C10orf67: variants seen among roughly 807,000 people sequenced by gnomAD.
C10orf67 encodes chromosome 10 open reading frame 67, also known as uncharacterized protein C10orf67, mitochondrial.
A neutral mutation model predicts 35.6 loss-of-function variants in C10orf67; 60 were observed. The ratio of observed to expected loss-of-function variants is 1.68; its 90% CI spans 1.37 to 2.09. The LOEUF (loss-of-function observed/expected upper bound fraction) is 2.09. Ranked by LOEUF, C10orf67 falls within the 30% of genes most tolerant of loss-of-function variation. The probability of loss-of-function intolerance (pLI) is 0.00; values close to 1 mark genes in which losing one functional copy is unlikely to be tolerated. For synonymous variants in C10orf67, 167 were observed against 115.8 expected (o/e 1.44, Z -2.84); for missense variants, 474 against 330.2 (o/e 1.44, Z -3.38).
At chr10:23,225,950 A>T (rs1022506263) in intron 13 of C10orf67, among the ~76,000 whole-genome samples, 1 of 152,164 alleles carries the variant, frequency 6.6e-6, no homozygotes, top group African/African-American at 2.4e-5. Context: ...TGTCAACAAG[A>T]GACCTACAAA....
At chr10:23,239,218 C>A (rs1842117799) in intron 13 of C10orf67, among the ~76,000 whole-genome samples, 1 of 152,066 alleles carries the variant, frequency 6.6e-6, no homozygotes, top group Non-Finnish European at 1.5e-5. Flanking sequence ...ACATTTAGAA[C>A]CCCCAGATGA....
chr10:23,320,851 G>A lies in C10orf67; in HGVS notation c.472-36C>T, dbSNP rs1364815545. 2.1e-6 allele frequency: 3 copies of A among 1,431,198 alleles called. No individual in the cohort carries two copies. In the African/African-American group the frequency reaches 4.2e-5, roughly 20 times the overall value. 88.7% of individuals were successfully genotyped at this position (1,431,198 alleles called of 1,614,324 possible). On this transcript the variant is annotated intron_variant, in intron 3 of 15. Coordinates refer to ENST00000636213, the MANE Select transcript of C10orf67 (RefSeq NM_001371909.1). ...AAATAAATGCAATAAGCACCATAATGTATTTCCAAATATGACCCACACCTA... is the reference window on the plus strand; with the variant it reads ...AAATAAATGCAATAAGCACCATAATATATTTCCAAATATGACCCACACCTA...
chr10:23,306,748 C>T (rs1459057194), intron 4 of C10orf67, among the ~76,000 whole-genome samples: 1 of 152,068 alleles, frequency 6.6e-6, no homozygotes, highest in Non-Finnish European at 1.5e-5. Context: ...CCGCCCCCCA[C>T]CCCACACACA....
At chr10:23,305,932 C>T (rs77192694) in intron 4 of C10orf67, among the ~76,000 whole-genome samples, 5,420 of 152,018 alleles carry the variant, frequency 0.036, 314 homozygotes, top group African/African-American at 0.12. Context: ...CCTAAATATC[C>T]ATCAACAGAT....
chr10:23,310,886 G>T (rs1844470237), intron 4 of C10orf67, among the ~76,000 whole-genome samples: 1 of 152,212 alleles, frequency 6.6e-6, no homozygotes, highest in Non-Finnish European at 1.5e-5. Flanking sequence ...ATTTCCTGGA[G>T]ATGGATGATG....
downstream of C10orf67, chr10:23,202,284 A>G (rs530658917): frequency 2.0e-5 from 3 of 152,368 alleles, no homozygotes; most frequent in East Asian, 1.9e-4. Flanking sequence ...GTCAAAGAAA[A>G]AAGGAAAAGC....
intron 1 of C10orf67, among the ~76,000 whole-genome samples, chr10:23,334,195 T>A (rs1164863047): frequency 6.6e-6 from 1 of 152,214 alleles, no homozygotes; most frequent in Non-Finnish European, 1.5e-5. Context: ...TTCTTTAAGA[T>A]GATCATACCA....
intron 5 of C10orf67, among the ~76,000 whole-genome samples, chr10:23,295,450 C>T (rs1843854533): frequency 6.6e-6 from 1 of 152,206 alleles, no homozygotes; most frequent in South Asian, 2.1e-4. Flanking sequence ...CTGTTTGGTA[C>T]ATTTTATGGA....
Position 23,204,090 on chromosome 10 carries a change from CT to C in C10orf67, c.*82del. On this transcript the variant is annotated 3_prime_UTR_variant, in exon 16 of 16. Transcript: ENST00000636213. ...TTAGAAAATCCTTGGAGATAGTATC[CT>C]TTCCGAGGGAGGCACCTTACACCAG... is the stretch of plus-strand genomic sequence containing the variant. 3 of 453,680 alleles carry C rather than the reference CT, an allele frequency of 6.6e-6. No homozygotes were observed. The highest frequency in any genetic ancestry group is 7.0e-5 in the East Asian group (2 of 28,608). 28.1% of individuals were successfully genotyped at this position (453,680 alleles called of 1,614,324 possible).
chr10:23,225,533 T>C (rs1017061158), intron 13 of C10orf67, among the ~76,000 whole-genome samples: 1 of 152,120 alleles, frequency 6.6e-6, no homozygotes, highest in Non-Finnish European at 1.5e-5. Context: ...TAACCATAAA[T>C]GTAAATGGGC....
rs191223327 is a variant in C10orf67 at position 23,203,896 on chromosome 10, C to G, written c.*277G>C. 3.4e-6 allele frequency: 1 copy of G among 291,652 alleles called. No individual in the cohort carries two copies. The highest frequency in any genetic ancestry group is 5.8e-5 in the East Asian group (1 of 17,338). The allele number at this position is 291,652 out of a possible 1,614,324, so 18.1% of individuals were successfully genotyped here. ...CCTGGGCTCTTCTGAGTCCCCGGAG[C>G]TCCTGAATGGATGTGGTTGCCCCGG... On this transcript the variant is annotated 3_prime_UTR_variant, in exon 16 of 16. Coordinates refer to ENST00000636213, the MANE Select transcript of C10orf67 (RefSeq NM_001371909.1).
At chr10:23,340,289 G>A (rs528701146) in intron 1 of C10orf67, among the ~76,000 whole-genome samples, 1 of 149,006 alleles carries the variant, frequency 6.7e-6, no homozygotes, top group South Asian at 2.1e-4. Flanking sequence ...CAGACTGCTT[G>A]AGCTTAGGAG....
At chr10:23,339,455 G>C (rs1588715757) in intron 1 of C10orf67, among the ~76,000 whole-genome samples, 1 of 150,176 alleles carries the variant, frequency 6.7e-6, no homozygotes, top group Admixed American at 6.6e-5. Flanking sequence ...GGACTTCCAG[G>C]AACGAACATT....
intron 15 of C10orf67, among the ~76,000 whole-genome samples, chr10:23,209,466 A>C (rs2131707549): frequency 6.6e-6 from 1 of 152,296 alleles, no homozygotes; most frequent in East Asian, 1.9e-4. Flanking sequence ...TCTAATGTAC[A>C]GCAGAGTAAC....
chr10:23,338,423 C>T (rs144010989), intron 1 of C10orf67, among the ~76,000 whole-genome samples: 3 of 152,210 alleles, frequency 2.0e-5, no homozygotes, highest in Middle Eastern at 3.4e-3. Context: ...AGCCACCTAG[C>T]GACAGGTTGA....
chr10:23,289,698 A>C (rs1588657959), intron 7 of C10orf67, among the ~76,000 whole-genome samples: 2 of 152,232 alleles, frequency 1.3e-5, no homozygotes. Context: ...CCCAAACAAA[A>C]GAAGTATCTA....
chr10:23,313,644 G>A (rs1319833108), intron 4 of C10orf67, among the ~76,000 whole-genome samples: 1 of 152,198 alleles, frequency 6.6e-6, no homozygotes, highest in African/African-American at 2.4e-5. Context: ...GAAAGAGCAA[G>A]AAGGGACATT....
chr10:23,249,045 G>A (rs920295475), intron 12 of C10orf67, among the ~76,000 whole-genome samples: 3 of 141,346 alleles, frequency 2.1e-5, no homozygotes, highest in Non-Finnish European at 4.5e-5. Flanking sequence ...CTGGAGAATC[G>A]CTTGAACCCA....
chr10:23,252,929 G>C (rs887052749), intron 10 of C10orf67, among the ~76,000 whole-genome samples: 3 of 151,506 alleles, frequency 2.0e-5, no homozygotes, highest in Non-Finnish European at 4.4e-5. Context: ...GGAGATGATT[G>C]AATCACGGTG....
Sources: allele counts gnomAD v4.1 joint callset (sites outside exome capture counted in the v4.1 genomes callset), GRCh38; gene constraint gnomAD v4.1.1; transcripts MANE v1.5; gene names NCBI Gene and HGNC (gene_info 2026-07-23, HGNC 2026-07-21).